Variants in UCKL1 observed in about 807,000 individuals in gnomAD.
The protein encoded by UCKL1 is uridine-cytidine kinase 1 like 1, also known as uridine-cytidine kinase-like 1.
A neutral mutation model predicts 59.2 loss-of-function variants in UCKL1; 65 were observed. The ratio of observed to expected loss-of-function variants is 1.10; its 90% CI spans 0.90 to 1.35. The LOEUF (loss-of-function observed/expected upper bound fraction) is 1.35, where lower values mean the gene tolerates loss of function less well. Ranked by LOEUF, UCKL1 falls within the 40% of genes most tolerant of loss-of-function variation. The pLI is 0.00. For missense variants in UCKL1, 703 were observed against 784.3 expected (o/e 0.90, Z 1.24); for synonymous variants, 410 against 323.1 (o/e 1.27, Z -2.88).
intron 1 of UCKL1, among the ~76,000 whole-genome samples, chr20:63,947,189 CAG>C (rs1364951981): frequency 1.3e-5 from 2 of 152,152 alleles, no homozygotes; most frequent in African/African-American, 4.8e-5. Flanking sequence ...ACAGCAAGGA[CAG>C]AGGAACAGCA....
intron 1 of UCKL1, chr20:63,953,850 C>T (rs556329076): frequency 1.2e-4 from 18 of 152,752 alleles, no homozygotes; most frequent in African/African-American, 3.8e-4. Context: ...GAAACAGCCA[C>T]GGGAGAGAGC....
chr20:63,942,507 A>C, intron 8 of UCKL1: 1 of 1,174,306 alleles, frequency 8.5e-7, no homozygotes, highest in Non-Finnish European at 1.1e-6. Flanking sequence ...CCAGGTGAAG[A>C]GCATGTTCAG....
Position 63,939,903 on chromosome 20 carries a change from C to A in UCKL1, c.*73G>T. ...ATACTAGTAACATTTTAAAAATTAA[C>A]ATCTTTGTATTCAGCAGTCCTGGGT... On this transcript the variant is annotated 3_prime_UTR_variant, in exon 15 of 15. Transcript: ENST00000354216. 8.1e-7 allele frequency: 1 copy of A among 1,238,356 alleles called. No homozygotes were observed. 76.7% of individuals were successfully genotyped at this position (1,238,356 alleles called of 1,614,324 possible).
chr20:63,944,035 G>A (rs1000771301), intron 7 of UCKL1, among the ~76,000 whole-genome samples: 11 of 152,208 alleles, frequency 7.2e-5, no homozygotes, highest in African/African-American at 2.7e-4. Context: ...AGAAAGAGAG[G>A]AGCCTGGCCT....
At chr20:63,945,332 C>A (rs532512508) in intron 5 of UCKL1, among the ~76,000 whole-genome samples, 1 of 152,174 alleles carries the variant, frequency 6.6e-6, no homozygotes, top group East Asian at 1.9e-4. Context: ...CAAAATCTCT[C>A]AAACACACCA....
At chr20:63,948,639 C>A (rs797021046) in intron 1 of UCKL1, among the ~76,000 whole-genome samples, 1 of 17,276 alleles carries the variant, frequency 5.8e-5, no homozygotes. Flanking sequence ...AGGGAAGGGG[C>A]GTGTGTGAGA....
intron 1 of UCKL1, among the ~76,000 whole-genome samples, chr20:63,947,356 G>C (rs897488757): frequency 6.6e-6 from 1 of 152,242 alleles, no homozygotes; most frequent in Non-Finnish European, 1.5e-5. Flanking sequence ...ACGTTCCCTT[G>C]CAACCCGGCA....
At position 63,946,656 on chromosome 20, in the gene UCKL1, A is replaced by G. The variant is rs199901968; in HGVS notation, c.114-13T>C. On this transcript the variant is annotated splice_polypyrimidine_tract_variant and intron_variant, in intron 1 of 14. Transcript: ENST00000354216. ...CTCTGCATTGCTGCTGCAGAGAGGGATGTACTCGGATGTGGCCCAGAGCTG... is the reference window on the plus strand; with the variant it reads ...CTCTGCATTGCTGCTGCAGAGAGGGGTGTACTCGGATGTGGCCCAGAGCTG... The G allele has an allele frequency of 3.1e-6, 5 of 1,602,306 alleles. No homozygotes were observed. In the African/African-American group the frequency reaches 6.7e-5, roughly 21 times the overall value.
chr20:63,948,297 G>T (rs6062594), intron 1 of UCKL1: 11 of 152,088 alleles, frequency 7.2e-5, no homozygotes, highest in Non-Finnish European at 1.6e-4. Context: ...GGAAAGCTCC[G>T]CAAACGGCAG....
chr20:63,947,672 C>T (rs1460061996), intron 1 of UCKL1, among the ~76,000 whole-genome samples: 1 of 152,232 alleles, frequency 6.6e-6, no homozygotes, highest in Non-Finnish European at 1.5e-5. Context: ...TTGCTGTGGC[C>T]CCTCCTGGGT....
Position 63,944,691 on chromosome 20 carries a change from C to G in UCKL1, c.698G>C (p.Arg233Pro). Residue 233 changes from arginine to proline, a missense_variant, in exon 6 of 15, where the codon CGC becomes CCC. Physicochemically the swap from Arg to Pro is moderately radical, Grantham distance 103. Coordinates refer to ENST00000354216, the MANE Select transcript of UCKL1 (RefSeq NM_017859.4). ...KIFVDTDSDI[R>P]LVRRLRRDIS... is the part of the protein sequence containing the mutation. ...GTCCCGGCGCAGCCGCCGTACCAGG[C>G]GGATGTCGGAGTCTGTGTCCACAAA... 6.2e-7 allele frequency: 1 copy of G among 1,612,956 alleles called. No homozygotes were observed. Among genetic ancestry groups the G allele is most frequent in the Non-Finnish European group, 8.5e-7 (1 of 1,179,960 alleles).
intron 10 of UCKL1, 23 bp from the exon 11 acceptor site, chr20:63,940,879 T>G (rs1374100355): frequency 6.5e-7 from 1 of 1,528,768 alleles, no homozygotes; most frequent in Non-Finnish European, 8.8e-7. Context: ...GGGTGAGGAC[T>G]CCGGTGAGCG....
chr20:63,946,272 C>T lies in UCKL1; in HGVS notation c.305-5G>A, dbSNP rs763956579. 3.8e-5 allele frequency: 60 copies of T among 1,581,706 alleles called. No homozygotes were observed. Among genetic ancestry groups the T allele is most frequent in the Middle Eastern group, 3.3e-4 (2 of 6,022 alleles). ...AGGCACTGCCGCCTCCCAAGCCTGC[C>T]GGCGGGAGTGGAGACCCTCTGTGAG... On this transcript the variant is annotated splice_region_variant and splice_polypyrimidine_tract_variant and intron_variant, in intron 2 of 14. Transcript: ENST00000354216.
At chr20:63,941,617 G>GGC in intron 8 of UCKL1, 1 of 233,084 alleles carries the variant, frequency 4.3e-6, no homozygotes, top group Non-Finnish European at 9.5e-6. Flanking sequence ...AAGCTTTGTG[G>GGC]GGTCAGGCCC....
intron 1 of UCKL1, chr20:63,951,091 C>T: frequency 8.4e-7 from 1 of 1,183,764 alleles, no homozygotes; most frequent in African/African-American, 1.6e-5. Flanking sequence ...AGCAGAGGCA[C>T]AGCAGCTAGG....
At chr20:63,951,246 G>T in intron 1 of UCKL1, 1 of 975,860 alleles carries the variant, frequency 1.0e-6, no homozygotes, top group Non-Finnish European at 1.2e-6. Context: ...GTGTGGCCCT[G>T]ACAATCCTCG....
chr20:63,950,894 G>C, intron 1 of UCKL1: 2 of 1,426,868 alleles, frequency 1.4e-6, no homozygotes, highest in Non-Finnish European at 1.8e-6. Flanking sequence ...TGGGGGCTCA[G>C]GCGCAGGCAG....
chr20:63,944,355 G>C (rs2055539719), intron 7 of UCKL1, 42 bp downstream of exon 7: 1 of 1,527,504 alleles, frequency 6.5e-7, no homozygotes, highest in African/African-American at 1.4e-5. Context: ...AGTGGGTAGA[G>C]GGGCTGGGGG....
intron 1 of UCKL1, among the ~76,000 whole-genome samples, chr20:63,952,716 G>A (rs2057856949): frequency 6.6e-6 from 1 of 152,232 alleles, no homozygotes; most frequent in African/African-American, 2.4e-5. Flanking sequence ...TGAGGCCCGT[G>A]GTGCTGGAGG....
Sources: gnomAD v4.1 joint callset for allele counts (sites outside exome capture counted in the v4.1 genomes callset) on GRCh38, gnomAD v4.1.1 for gene constraint, MANE v1.5 for transcripts, NCBI Gene and HGNC (gene_info 2026-07-23, HGNC 2026-07-21) for gene names.